FAM149B1: variants seen among roughly 807,000 people sequenced by gnomAD.
FAM149B1 encodes the protein family with sequence similarity 149 member B1.
A neutral mutation model predicts 75.3 loss-of-function variants in FAM149B1; 56 were observed. The observed-to-expected ratio is 0.74, with a 90% CI of 0.60 to 0.93. The LOEUF is 0.93. FAM149B1 is among the 40% of genes least tolerant of loss of function. FAM149B1 has a pLI of 0.00. For missense variants in FAM149B1, 639 were observed against 708.4 expected, an observed-to-expected ratio of 0.90 and a Z score of 1.11; for synonymous variants, 259 against 256.1, an observed-to-expected ratio of 1.01 and a Z score of -0.11.
In FAM149B1 at chr10:73,174,761, A is replaced by G. The variant is rs1472956349; in HGVS notation, c.122A>G (p.Asp41Gly). ...EKLEEISPTS[D>G]SHEKDTSSQS... is the part of the protein sequence containing the mutation. ...CTGGAGGAAATTTCCCCCACCAGTG[A>G]CAGTCATGAGAAAGACACAAGTTCC... The change falls in exon 2 of 14, where the codon GAC becomes GGC. Residue 41 changes from aspartate (D) to glycine (G), a missense_variant. Coordinates refer to ENST00000242505, the MANE Select transcript of FAM149B1 (RefSeq NM_173348.2). 1.3e-6 allele frequency: 2 copies of G among 1,551,032 alleles called. No homozygotes were observed. Among genetic ancestry groups the G allele is most frequent in the South Asian group, 2.4e-5 (2 of 84,052 alleles).
intron 12 of FAM149B1, among the ~76,000 whole-genome samples, chr10:73,236,748 G>T (rs1324851257): frequency 6.8e-6 from 1 of 147,138 alleles, no homozygotes; most frequent in Non-Finnish European, 1.5e-5. Context: ...TTTAAGACAG[G>T]GTCTCACTCT....
intron 5 of FAM149B1, among the ~76,000 whole-genome samples, chr10:73,208,064 C>T (rs1319581564): frequency 6.6e-6 from 1 of 152,206 alleles, no homozygotes; most frequent in Non-Finnish European, 1.5e-5. Flanking sequence ...ATCCCCAATG[C>T]TAGAGGTGGG....
At chr10:73,220,729 G>A (rs548208468) in intron 7 of FAM149B1, among the ~76,000 whole-genome samples, 1 of 152,232 alleles carries the variant, frequency 6.6e-6, no homozygotes, top group Admixed American at 6.5e-5. Context: ...AAGGGACAGC[G>A]GAGATCTCTT....
chr10:73,209,739 T>TA (rs749653625), intron 6 of FAM149B1, among the ~76,000 whole-genome samples: 4 of 152,262 alleles, frequency 2.6e-5, no homozygotes, highest in Non-Finnish European at 5.9e-5. Context: ...ATTAACCTGT[T>TA]AAACTATTCC....
chr10:73,228,960 G>A (rs914497079), intron 8 of FAM149B1, among the ~76,000 whole-genome samples: 3 of 151,978 alleles, frequency 2.0e-5, no homozygotes, highest in African/African-American at 7.3e-5. Flanking sequence ...CAAACTCCTG[G>A]GCTCAAGCCA....
chr10:73,216,765 C>T lies in FAM149B1; in HGVS notation c.898+6327C>T, dbSNP rs372225501. Among the ~76,000 whole-genome samples, 4 of 152,296 alleles carry T rather than the reference C, an allele frequency of 2.6e-5. No individual in the cohort carries two copies. In the East Asian group the frequency reaches 7.7e-4, roughly 29 times the overall value. Reference sequence around the variant, plus strand: ...AAACTTGGCCCAAGGACAGGGTGCACCCCAGTATTAAATTCTGAAAATGCA... The same window carrying T: ...AAACTTGGCCCAAGGACAGGGTGCATCCCAGTATTAAATTCTGAAAATGCA... On this transcript the variant is annotated intron_variant, in intron 7 of 13. Coordinates refer to ENST00000242505, the MANE Select transcript of FAM149B1 (RefSeq NM_173348.2).
chr10:73,240,442 G>A (rs1364968767), intron 13 of FAM149B1, among the ~76,000 whole-genome samples: 1 of 152,190 alleles, frequency 6.6e-6, no homozygotes, highest in Non-Finnish European at 1.5e-5. Context: ...GCTGGGCGTG[G>A]TGGCTCATGC....
At chr10:73,181,069 C>T (rs58682074) in intron 3 of FAM149B1, among the ~76,000 whole-genome samples, 23,599 of 150,682 alleles carry the variant, frequency 0.16, 3,082 homozygotes, top group African/African-American at 0.33. Context: ...TGCAGTGGCA[C>T]GATCTCGGCT....
intron 5 of FAM149B1, chr10:73,200,936 A>C (rs187148738): frequency 6.5e-6 from 3 of 460,286 alleles, no homozygotes; most frequent in Non-Finnish European, 1.3e-5. Context: ...GACCAGAAGG[A>C]GAGAGATACT....
intron 10 of FAM149B1, among the ~76,000 whole-genome samples, chr10:73,233,545 T>A (rs1183380841): frequency 6.6e-6 from 1 of 152,138 alleles, no homozygotes; most frequent in Non-Finnish European, 1.5e-5. Context: ...GGTCTTGTCA[T>A]GTTGCCCAGG....
At chr10:73,228,431 C>T (rs1009983948) in intron 8 of FAM149B1, among the ~76,000 whole-genome samples, 3 of 152,166 alleles carry the variant, frequency 2.0e-5, no homozygotes, top group Non-Finnish European at 2.9e-5. Context: ...AACCTAGAAT[C>T]AACCATGTGG....
rs557203960 is a variant in FAM149B1, at chr10:73,177,865, G to C, written c.172G>C (p.Glu58Gln). Residue 58 changes from glutamate (E) to glutamine (Q), a missense_variant, in exon 3 of 14, where the codon GAA becomes CAA. Glu to Gln is a conservative substitution (Grantham distance 29). Transcript: ENST00000242505. ...CTTTAGCAAGTCTGACATCACAAGA[G>C]AATCATCTTTTACATCAGCCGACAC... ...SSQSKSDITR[E>Q]SSFTSADTGN... 6.4e-7 allele frequency: 1 copy of C among 1,551,576 alleles called. No homozygotes were observed. The highest frequency in any genetic ancestry group is 1.4e-5 in the African/African-American group (1 of 73,086).
intron 5 of FAM149B1, among the ~76,000 whole-genome samples, chr10:73,207,420 T>A (rs923154862): frequency 2.6e-5 from 4 of 151,842 alleles, no homozygotes; most frequent in African/African-American, 7.3e-5. Flanking sequence ...AAAAATTAGC[T>A]GAGTGTAGTG....
intron 7 of FAM149B1, among the ~76,000 whole-genome samples, chr10:73,225,176 C>G (rs375030783): frequency 6.6e-6 from 1 of 152,170 alleles, no homozygotes; most frequent in South Asian, 2.1e-4. Flanking sequence ...TATGTATATA[C>G]TATATTTTTA....
At chr10:73,218,025 A>C (rs572976805) in intron 7 of FAM149B1, among the ~76,000 whole-genome samples, 31 of 152,284 alleles carry the variant, frequency 2.0e-4, no homozygotes, top group African/African-American at 7.2e-4. Flanking sequence ...TCTATACACA[A>C]TTTCTCTCCA....
chr10:73,168,199 G>A lies in FAM149B1; in HGVS notation c.-141G>A. On this transcript the variant is annotated 5_prime_UTR_variant, in exon 1 of 14. Coordinates refer to ENST00000242505, the MANE Select transcript of FAM149B1 (RefSeq NM_173348.2). Reference sequence around the variant, plus strand: ...TGGGGAGGTGGCTGCTCGGAGTCTAGGTGACGGGGCGAGACGGGGCCGGTA... The same window carrying A: ...TGGGGAGGTGGCTGCTCGGAGTCTAAGTGACGGGGCGAGACGGGGCCGGTA... 1.2e-6 allele frequency: 1 copy of A among 856,698 alleles called. No individual in the cohort carries two copies. Among genetic ancestry groups the A allele is most frequent in the Non-Finnish European group, 1.8e-6 (1 of 566,718 alleles). The allele number at this position is 856,698 out of a possible 1,614,324, so 53.1% of individuals were successfully genotyped here.
At chr10:73,190,005 T>C (rs1373644891) in intron 3 of FAM149B1, among the ~76,000 whole-genome samples, 1 of 152,182 alleles carries the variant, frequency 6.6e-6, no homozygotes, top group African/African-American at 2.4e-5. Flanking sequence ...CAGTTAAACA[T>C]CTTCAAAATG....
chr10:73,201,814 A>G (rs942852533), intron 5 of FAM149B1, among the ~76,000 whole-genome samples: 1 of 152,174 alleles, frequency 6.6e-6, no homozygotes, highest in African/African-American at 2.4e-5. Flanking sequence ...GCCATATTGC[A>G]CATGTCTTAA....
At chr10:73,233,242 A>C in intron 10 of FAM149B1, 79 bp downstream of exon 10, 1 of 1,019,370 alleles carries the variant, frequency 9.8e-7, no homozygotes, top group Non-Finnish European at 1.5e-6. Context: ...TAAATATAAG[A>C]CTGAAATCTA....
Sources: allele counts gnomAD v4.1 joint callset (sites outside exome capture counted in the v4.1 genomes callset), GRCh38; gene constraint gnomAD v4.1.1; transcripts MANE v1.5; gene names NCBI Gene and HGNC (gene_info 2026-07-23, HGNC 2026-07-21).